Variants in EEA1 observed in about 807,000 individuals in gnomAD.
EEA1 encodes the protein early endosome antigen 1.
EEA1 carries 111 observed loss-of-function variants against 209.2 expected under a neutral mutation model. The ratio of observed to expected loss-of-function variants is 0.53; its 90% CI spans 0.45 to 0.62. The LOEUF (loss-of-function observed/expected upper bound fraction) is 0.62, where lower values mean the gene tolerates loss of function less well. Among genes scored for constraint, EEA1 ranks in the 20% least tolerant of loss-of-function variants. EEA1 has a pLI of 0.00. For missense variants in EEA1, 1,343 were observed against 1,530.8 expected, an observed-to-expected ratio of 0.88 and a Z score of 2.05; for synonymous variants, 536 against 540.6, an observed-to-expected ratio of 0.99 and a Z score of 0.12.
intron 1 of EEA1, among the ~76,000 whole-genome samples, chr12:92,895,070 G>A (rs149691387): frequency 2.7e-5 from 4 of 150,930 alleles, no homozygotes; most frequent in South Asian, 2.1e-4. Context: ...GCTACTCTGC[G>A]CTCTATACAT....
intron 2 of EEA1, among the ~76,000 whole-genome samples, chr12:92,871,135 A>C (rs1878624453): frequency 6.6e-6 from 1 of 152,244 alleles, no homozygotes; most frequent in Non-Finnish European, 1.5e-5. Context: ...TTCACTTAAT[A>C]TTTTGATTTC....
Position 92,805,638 on chromosome 12 carries a change from T to C in EEA1, c.2340-2904A>G, listed in dbSNP as rs1875164854. Among the ~76,000 whole-genome samples, 3 of 152,168 alleles carry C rather than the reference T, an allele frequency of 2.0e-5. No individual in the cohort carries two copies. In the South Asian group the frequency reaches 6.2e-4, roughly 32 times the overall value. On this transcript the variant is annotated intron_variant, in intron 18 of 28. Coordinates refer to ENST00000322349, the MANE Select transcript of EEA1 (RefSeq NM_003566.4). ...AACTGATTTTTATCCATCAAAATAATGGTGAGTGATGTGTTCATTGAAGAT... is the reference window on the plus strand; with the variant it reads ...AACTGATTTTTATCCATCAAAATAACGGTGAGTGATGTGTTCATTGAAGAT...
At chr12:92,822,055 T>C (rs1381960170) in intron 13 of EEA1, among the ~76,000 whole-genome samples, 8 of 151,434 alleles carry the variant, frequency 5.3e-5, no homozygotes, top group Admixed American at 4.6e-4. Context: ...TATGTATATA[T>C]ACCCCACTCC....
chr12:92,820,721 C>G (rs1407598391), intron 13 of EEA1, among the ~76,000 whole-genome samples: 1 of 151,500 alleles, frequency 6.6e-6, no homozygotes, highest in African/African-American at 2.4e-5. Flanking sequence ...TGTAACAAAC[C>G]TGCTCATTCT....
chr12:92,901,786 C>A (rs1880154386), intron 1 of EEA1, among the ~76,000 whole-genome samples: 1 of 152,070 alleles, frequency 6.6e-6, no homozygotes, highest in Non-Finnish European at 1.5e-5. Context: ...TCAATCTGGT[C>A]ACAAACTCCT....
chr12:92,818,287 G>A (rs1875887332), intron 14 of EEA1, among the ~76,000 whole-genome samples: 1 of 152,136 alleles, frequency 6.6e-6, no homozygotes, highest in Non-Finnish European at 1.5e-5. Context: ...TCTGGAAAAT[G>A]TCTCTGGATC....
At chr12:92,871,474 A>T (rs1030923756) in intron 2 of EEA1, among the ~76,000 whole-genome samples, 1 of 152,252 alleles carries the variant, frequency 6.6e-6, no homozygotes, top group African/African-American at 2.4e-5. Context: ...ACTTTCTGGT[A>T]ATGCTCCAAT....
chr12:92,884,261 C>A (rs987571731), intron 2 of EEA1: 67 of 1,490,000 alleles, frequency 4.5e-5, no homozygotes, highest in Admixed American at 1.7e-5. Flanking sequence ...GACTGTCATT[C>A]AGAAATACCA....
Position 92,776,078 on chromosome 12 carries a change from G to T in EEA1, c.4169C>A (p.Ala1390Asp). The change falls in exon 29 of 29, where the codon GCC (alanine) becomes GAC (aspartate). Residue 1390 changes from alanine to aspartate, a missense_variant. Ala to Asp is a moderately radical substitution (Grantham distance 126). Coordinates refer to ENST00000322349, the MANE Select transcript of EEA1 (RefSeq NM_003566.4). ...IFCAECSAKNALTPSSKKPVR... is the reference protein window; with the variant it reads ...IFCAECSAKNDLTPSSKKPVR... ...AGGCTTCTTGGAGGAAGGAGTTAAG[G>T]CATTTTTGGCTGAACATTCAGCACA... The T allele has an allele frequency of 6.2e-7, 1 of 1,611,284 alleles. No individual in the cohort carries two copies. Among genetic ancestry groups the T allele is most frequent in the Non-Finnish European group, 8.5e-7 (1 of 1,178,262 alleles).
chr12:92,894,081 T>C (rs1260680883), intron 1 of EEA1, among the ~76,000 whole-genome samples: 6 of 152,240 alleles, frequency 3.9e-5, no homozygotes, highest in Non-Finnish European at 7.3e-5. Context: ...CAAGCTTTTT[T>C]ATTATTATCA....
intron 1 of EEA1, among the ~76,000 whole-genome samples, chr12:92,928,674 C>T (rs895105497): frequency 2.0e-5 from 3 of 152,124 alleles, no homozygotes; most frequent in East Asian, 1.9e-4. Flanking sequence ...TTCTCCAGCC[C>T]GGCAGGCGGC....
At chr12:92,803,763 C>T (rs1221970664) in intron 18 of EEA1, among the ~76,000 whole-genome samples, 1 of 152,096 alleles carries the variant, frequency 6.6e-6, no homozygotes, top group East Asian at 1.9e-4. Flanking sequence ...TATTATTCCT[C>T]CTTGATTTTT....
intron 19 of EEA1, among the ~76,000 whole-genome samples, chr12:92,801,990 C>T (rs1220846817): frequency 2.0e-5 from 3 of 151,904 alleles, no homozygotes; most frequent in Non-Finnish European, 4.4e-5. Context: ...TTATGTCACA[C>T]AATTCATTAT....
At chr12:92,875,789 T>G (rs1878856006) in intron 2 of EEA1, among the ~76,000 whole-genome samples, 1 of 152,188 alleles carries the variant, frequency 6.6e-6, no homozygotes, top group African/African-American at 2.4e-5. Flanking sequence ...AATCTCCCCC[T>G]TGCTCACTAT....
intron 2 of EEA1, among the ~76,000 whole-genome samples, chr12:92,865,758 T>TATTTC (rs1296422329): frequency 6.7e-6 from 1 of 149,764 alleles, no homozygotes; most frequent in Non-Finnish European, 1.5e-5. Flanking sequence ...TATTTTATTT[T>TATTTC]ATTTTGAGAA....
intron 1 of EEA1, among the ~76,000 whole-genome samples, chr12:92,928,608 G>C (rs1881301269): frequency 6.6e-6 from 1 of 152,164 alleles, no homozygotes; most frequent in African/African-American, 2.4e-5. Flanking sequence ...GGGGGGCACG[G>C]GGAGTGCGGC....
chr12:92,790,501 G>C (rs911447008), intron 21 of EEA1, among the ~76,000 whole-genome samples: 1 of 152,172 alleles, frequency 6.6e-6, no homozygotes, highest in Non-Finnish European at 1.5e-5. Flanking sequence ...AGCTTCAACA[G>C]CTGATTCGAT....
At chr12:92,882,359 C>T (rs1194544861) in intron 2 of EEA1, among the ~76,000 whole-genome samples, 1 of 151,882 alleles carries the variant, frequency 6.6e-6, no homozygotes, top group Non-Finnish European at 1.5e-5. Context: ...CTGCCCGCCT[C>T]GGCCTCCCAA....
At chr12:92,818,146 T>G (rs1875880840) in intron 14 of EEA1, among the ~76,000 whole-genome samples, 1 of 152,200 alleles carries the variant, frequency 6.6e-6, no homozygotes, top group South Asian at 2.1e-4. Flanking sequence ...TCCTTTCTGG[T>G]ATCCTACCCT....
Sources: allele counts gnomAD v4.1 joint callset (sites outside exome capture counted in the v4.1 genomes callset), GRCh38; gene constraint gnomAD v4.1.1; transcripts MANE v1.5; gene names NCBI Gene and HGNC (gene_info 2026-07-23, HGNC 2026-07-21).